ULK2: variants seen among roughly 807,000 people sequenced by gnomAD.
The protein encoded by ULK2 is serine/threonine-protein kinase ULK2.
A neutral mutation model predicts 127.5 loss-of-function variants in ULK2; 76 were observed. The observed-to-expected ratio is 0.60, with a 90% CI of 0.50 to 0.72. The LOEUF (loss-of-function observed/expected upper bound fraction) is 0.72, where lower values mean the gene tolerates loss of function less well. ULK2 is among the 30% of genes least tolerant of loss of function. ULK2 has a pLI of 0.00. For synonymous variants in ULK2, 452 were observed against 461.9 expected, an observed-to-expected ratio of 0.98 and a Z score of 0.28; for missense variants, 1,144 against 1,295.9, an observed-to-expected ratio of 0.88 and a Z score of 1.80.
chr17:19,839,683 A>G (rs2041691432), intron 9 of ULK2, among the ~76,000 whole-genome samples: 1 of 151,920 alleles, frequency 6.6e-6, no homozygotes, highest in South Asian at 2.1e-4. Context: ...AAAAGAAAGA[A>G]AAGAAAAGAA....
chr17:19,789,976 G>A lies in ULK2; in HGVS notation c.2102-3890C>T, dbSNP rs533974938. Among the ~76,000 whole-genome samples the A allele has an allele frequency of 5.4e-5, 8 of 147,736 alleles. No individual in the cohort carries two copies. In the East Asian group the frequency reaches 5.9e-4, roughly 11 times the overall value. ...AGTAGAAAAGACTAAACAATGACCC[G>A]ATCAAAAATAATAACTACAACTTTT... On this transcript the variant is annotated intron_variant, in intron 20 of 26. Transcript: ENST00000395544.
At chr17:19,863,495 A>C (rs1367701531) in intron 3 of ULK2, among the ~76,000 whole-genome samples, 2 of 137,108 alleles carry the variant, frequency 1.5e-5, no homozygotes, top group African/African-American at 5.4e-5. Flanking sequence ...ATGTGATTCT[A>C]GTTTTTTTTT....
intron 10 of ULK2, among the ~76,000 whole-genome samples, chr17:19,831,022 G>A (rs781038955): frequency 5.9e-5 from 4 of 67,574 alleles, no homozygotes; most frequent in East Asian, 2.7e-4. Flanking sequence ...GCAAGACTCC[G>A]TCGCTAAAAA....
chr17:19,784,977 T>A (rs1247789597), intron 21 of ULK2, among the ~76,000 whole-genome samples: 1 of 152,208 alleles, frequency 6.6e-6, no homozygotes, highest in African/African-American at 2.4e-5. Flanking sequence ...ATCCTTTGCT[T>A]ATTAACCTGG....
chr17:19,859,906 G>A (rs1208959823), intron 3 of ULK2, among the ~76,000 whole-genome samples: 1 of 152,104 alleles, frequency 6.6e-6, no homozygotes, highest in Non-Finnish European at 1.5e-5. Flanking sequence ...TGAACTTCTG[G>A]CCTCAAGCAA....
At position 19,825,095 on chromosome 17, in the gene ULK2, G is replaced by A. The variant is rs147580829; in HGVS notation, c.923C>T (p.Pro308Leu). ...TATTTTTAATAAACTGTAACTTACT[G>A]GTGGAGAAGCAAAACGACAAGATGG... Reference protein sequence around the residue: ...SSPSCRFASPPSLPDMQHIQE... With the variant: ...SSPSCRFASPLSLPDMQHIQE... The change falls in exon 12 of 27, where the codon CCA (proline) becomes CTA (leucine). Residue 308 changes from proline to leucine, a missense_variant and splice_region_variant. Physicochemically the swap from Pro to Leu is moderately conservative, Grantham distance 98. Around this residue, in one of 2 missense-constraint regions of ULK2, gnomAD observed 913 missense variants for 970.5 expected, o/e 0.94. Coordinates refer to ENST00000395544, the MANE Select transcript of ULK2 (RefSeq NM_014683.4). The A allele has an allele frequency of 1.2e-6, 2 of 1,613,726 alleles. No individual in the cohort carries two copies. Among genetic ancestry groups the A allele is most frequent in the Non-Finnish European group, 1.7e-6 (2 of 1,179,786 alleles).
intron 25 of ULK2, among the ~76,000 whole-genome samples, chr17:19,779,700 AAAG>A (rs1241185086): frequency 1.3e-5 from 2 of 152,166 alleles, no homozygotes; most frequent in Non-Finnish European, 2.9e-5. Context: ...GAAAATAGGA[AAAG>A]AAGGTTTTAC....
chr17:19,815,049 TG>T (rs2040951404), intron 13 of ULK2, among the ~76,000 whole-genome samples: 1 of 152,196 alleles, frequency 6.6e-6, no homozygotes, highest in Non-Finnish European at 1.5e-5. Context: ...TTGGGCATCA[TG>T]CTGGCACTCT....
chr17:19,778,345 C>T (rs951143725), intron 25 of ULK2, among the ~76,000 whole-genome samples: 18 of 152,154 alleles, frequency 1.2e-4, no homozygotes, highest in Non-Finnish European at 8.8e-5. Flanking sequence ...ATGCCTCTAA[C>T]CTATATTACG....
rs970903663 is a variant in ULK2 at position 19,771,981 on chromosome 17, T to C, written c.*4368A>G. ...AGTGCAGACCTAAAGAGAGCCACAC[T>C]CTGTGAAAAGTGGAAAAACCTACAG... On this transcript the variant is annotated 3_prime_UTR_variant, in exon 27 of 27. Coordinates refer to ENST00000395544, the MANE Select transcript of ULK2 (RefSeq NM_014683.4). The C allele has an allele frequency of 6.6e-6, 1 of 152,274 alleles. No homozygotes were observed. Among genetic ancestry groups the C allele is most frequent in the African/African-American group, 2.4e-5 (1 of 41,434 alleles). 9.4% of individuals were successfully genotyped at this position (152,274 alleles called of 1,614,324 possible). A position where few individuals can be genotyped will look rare whatever the true frequency, so the allele number is the denominator to read the frequency against.
intron 3 of ULK2, among the ~76,000 whole-genome samples, chr17:19,852,852 G>A (rs907241441): frequency 2.0e-5 from 3 of 151,738 alleles, no homozygotes; most frequent in African/African-American, 7.3e-5. Flanking sequence ...GGGTTTCACT[G>A]TGTTAGCCAG....
intron 10 of ULK2, among the ~76,000 whole-genome samples, chr17:19,834,036 AAGAC>A (rs2041530543): frequency 6.6e-6 from 1 of 152,194 alleles, no homozygotes. Context: ...TTGAAAATCA[AAGAC>A]AGAGAAAAAT....
chr17:19,807,279 G>A (rs984263052), intron 14 of ULK2, among the ~76,000 whole-genome samples: 1 of 152,166 alleles, frequency 6.6e-6, no homozygotes, highest in Non-Finnish European at 1.5e-5. Flanking sequence ...TGGCACACAG[G>A]CACACAGCTT....
chr17:19,849,141 A>G (rs1432822751), intron 5 of ULK2, among the ~76,000 whole-genome samples: 1 of 152,334 alleles, frequency 6.6e-6, no homozygotes, highest in East Asian at 1.9e-4. Flanking sequence ...TCAGAGAGAG[A>G]CACACAAAAA....
At chr17:19,790,694 A>G (rs1314355484) in intron 20 of ULK2, among the ~76,000 whole-genome samples, 1 of 152,244 alleles carries the variant, frequency 6.6e-6, no homozygotes, top group Non-Finnish European at 1.5e-5. Context: ...CTCTTCAGCC[A>G]TGAGTTAAAA....
chr17:19,834,346 C>T (rs1471586609), intron 10 of ULK2, among the ~76,000 whole-genome samples: 2 of 151,730 alleles, frequency 1.3e-5, no homozygotes, highest in Admixed American at 6.6e-5. Context: ...GAAGACAGTA[C>T]ATTATATATT....
chr17:19,776,972 A>T (rs1341898277), intron 26 of ULK2, among the ~76,000 whole-genome samples: 2 of 152,222 alleles, frequency 1.3e-5, no homozygotes, highest in African/African-American at 4.8e-5. Context: ...TTCATGCATC[A>T]CCTGTAATCC....
chr17:19,865,152 C>T (rs1338535670), intron 2 of ULK2, among the ~76,000 whole-genome samples: 1 of 152,114 alleles, frequency 6.6e-6, no homozygotes, highest in Non-Finnish European at 1.5e-5. Flanking sequence ...TGGAAAACAC[C>T]AGGTTAAGTA....
In ULK2 at chr17:19,777,563, C is replaced by G. The variant is rs769432766; in HGVS notation, c.3052+18G>C. ...TAAAATGAAGTAAAAAAATACACTA[C>G]TTTGTAAGTCAACTTACATTTATGC... On this transcript the variant is annotated intron_variant, in intron 26 of 26. Coordinates refer to ENST00000395544, the MANE Select transcript of ULK2 (RefSeq NM_014683.4). 20 of 1,591,772 alleles carry G rather than the reference C, an allele frequency of 1.3e-5. No individual in the cohort carries two copies. The highest frequency in any genetic ancestry group is 3.3e-4 in the Middle Eastern group (2 of 5,974).
Sources: gnomAD v4.1 joint callset for allele counts (sites outside exome capture counted in the v4.1 genomes callset) on GRCh38, gnomAD v4.1.1 for gene constraint, gnomAD v4.1.1 regional missense constraint, MANE v1.5 for transcripts, NCBI Gene and HGNC (gene_info 2026-07-23, HGNC 2026-07-21) for gene names.